NRG4: variants seen among roughly 807,000 people sequenced by gnomAD.
NRG4 encodes the protein pro-neuregulin-4, membrane-bound isoform.
Under a neutral mutation model 15.0 loss-of-function variants are expected in NRG4, and 10 were observed. The ratio of observed to expected loss-of-function variants is 0.67; its 90% CI spans 0.41 to 1.13. NRG4 has a LOEUF of 1.13. Among genes scored for constraint, NRG4 ranks in the 50% most tolerant of loss-of-function variants. The pLI is 0.00. For synonymous variants in NRG4, 41 were observed against 50.1 expected (o/e 0.82, Z 0.77); for missense variants, 139 against 140.2 (o/e 0.99, Z 0.04).
chr15:76,035,974 C>G (rs1289812672), exon 5 of NRG4: 2 of 152,184 alleles, frequency 1.3e-5, no homozygotes, highest in Non-Finnish European at 2.9e-5. Context: ...ATTTGGGTTT[C>G]CCATCTAGGT....
At chr15:75,971,140 A>G in intron 3 of NRG4, 1 of 389,490 alleles carries the variant, frequency 2.6e-6, no homozygotes, top group Non-Finnish European at 5.1e-6. Flanking sequence ...ACCTATTTGT[A>G]AATTCATTTC....
intron 4 of NRG4, among the ~76,000 whole-genome samples, chr15:76,041,529 C>T (rs571150715): frequency 6.6e-6 from 1 of 152,054 alleles, no homozygotes; most frequent in East Asian, 1.9e-4. Flanking sequence ...AAGAGGAGTG[C>T]TATACTTATA....
At chr15:76,014,425 G>A (rs1241064024), upstream of NRG4, among the ~76,000 whole-genome samples, 11 of 152,074 alleles carry the variant, frequency 7.2e-5, no homozygotes, top group Admixed American at 7.2e-4. Context: ...GCCCATATCT[G>A]TGTCCTGAAT....
At chr15:75,995,848 C>T (rs546972120) in intron 3 of NRG4, among the ~76,000 whole-genome samples, 2 of 152,258 alleles carry the variant, frequency 1.3e-5, no homozygotes, top group South Asian at 4.1e-4. Flanking sequence ...AGGCAAACAT[C>T]GGCAGTGCCT....
chr15:76,054,967 T>C (rs561729803), intron 2 of NRG4, among the ~76,000 whole-genome samples: 1 of 152,314 alleles, frequency 6.6e-6, no homozygotes, highest in South Asian at 2.1e-4. Flanking sequence ...CAAAGTTAAA[T>C]GTATTATTTG....
At chr15:75,968,492 G>A (rs1178068538) in intron 3 of NRG4, among the ~76,000 whole-genome samples, 3 of 151,854 alleles carry the variant, frequency 2.0e-5, no homozygotes, top group Admixed American at 1.3e-4. Context: ...GGAGGCTGAG[G>A]GAGGAGATCA....
intron 3 of NRG4, among the ~76,000 whole-genome samples, chr15:75,964,686 G>A (rs2032703290): frequency 6.6e-6 from 1 of 152,140 alleles, no homozygotes; most frequent in Non-Finnish European, 1.5e-5. Flanking sequence ...AGCACTTTGC[G>A]AGGCTGAGGC....
intron 5 of NRG4, among the ~76,000 whole-genome samples, chr15:76,022,065 C>T (rs577012477): frequency 9.2e-5 from 14 of 152,110 alleles, no homozygotes; most frequent in Admixed American, 4.6e-4. Flanking sequence ...TGATAGGAGG[C>T]GGAGCACAGG....
At chr15:76,023,130 CCACACACA>C (rs10572540) in intron 5 of NRG4, among the ~76,000 whole-genome samples, 25,482 of 119,844 alleles carry the variant, frequency 0.21, 2,544 homozygotes, top group Non-Finnish European at 0.26. Flanking sequence ...CACCCATACT[CCACACACA>C]CACACACACA....
downstream of NRG4, chr15:75,938,604 G>A (rs2030613070): frequency 6.6e-6 from 1 of 152,060 alleles, no homozygotes; most frequent in African/African-American, 2.4e-5. Flanking sequence ...AAAAATTCTG[G>A]CAGAGAAAAG....
At chr15:76,044,522 G>C (rs1188425612) in intron 4 of NRG4, among the ~76,000 whole-genome samples, 1 of 150,368 alleles carries the variant, frequency 6.7e-6, no homozygotes, top group African/African-American at 2.5e-5. Context: ...AAACTCTCTA[G>C]GACATTGGAG....
upstream of NRG4, among the ~76,000 whole-genome samples, chr15:76,013,326 C>CA (rs913683936): frequency 9.5e-4 from 124 of 130,514 alleles, no homozygotes; most frequent in Middle Eastern, 7.9e-3. Context: ...GACTCCGTCT[C>CA]AAAAAAAAAA....
In NRG4 at chr15:75,973,696, C is replaced by G. The variant is rs185211867; in HGVS notation, c.105-11722G>C. Among the ~76,000 whole-genome samples, 13 of 152,264 alleles carry G rather than the reference C, an allele frequency of 8.5e-5. No individual in the cohort carries two copies. The South Asian group carries it at 1.5e-3, about 17-fold the overall frequency. ...ATTGATTTGCATATGTTAAACCAGC[C>G]TTGCATCCCAGGGATGAAGCTGACT... On this transcript the variant is annotated intron_variant, in intron 3 of 5. Coordinates refer to ENST00000394907, the MANE Select transcript of NRG4 (RefSeq NM_138573.4).
At chr15:75,989,766 CT>C (rs544171552) in intron 3 of NRG4, among the ~76,000 whole-genome samples, 1 of 151,996 alleles carries the variant, frequency 6.6e-6, no homozygotes, top group Non-Finnish European at 1.5e-5. Flanking sequence ...TACTGATTGA[CT>C]TTTTCATCCT....
intron 5 of NRG4, among the ~76,000 whole-genome samples, chr15:75,951,340 G>A (rs1167667702): frequency 1.3e-5 from 2 of 151,514 alleles, no homozygotes; most frequent in Admixed American, 6.6e-5. Flanking sequence ...GCTAGTTTTT[G>A]TATTTTTAGT....
In NRG4 at chr15:75,943,317, C is replaced by T; in HGVS notation, c.*321G>A. 3.3e-6 allele frequency: 1 copy of T among 298,634 alleles called. No individual in the cohort carries two copies. The highest frequency in any genetic ancestry group is 1.1e-4 in the South Asian group (1 of 9,522). The allele number at this position is 298,634 out of a possible 1,614,324, so 18.5% of individuals were successfully genotyped here. A position where few individuals can be genotyped will look rare whatever the true frequency, so the allele number is the denominator to read the frequency against. ...CCTTTTTCATAAGATCTTCATATAT[C>T]CCTTAGGGTTTCTCTCTAGGTGTGT... On this transcript the variant is annotated 3_prime_UTR_variant, in exon 6 of 6. Transcript: ENST00000394907.
At chr15:76,035,952 C>G (rs1480767865) in exon 5 of NRG4, 5 of 152,162 alleles carry the variant, frequency 3.3e-5, no homozygotes, top group African/African-American at 1.2e-4. Context: ...ACCAAGAAAT[C>G]TCTTGATTAT....
chr15:75,941,930 T>G lies in NRG4; in HGVS notation c.*1708A>C, dbSNP rs2031002985. The G allele has an allele frequency of 1.2e-5, 1 of 84,060 alleles. No individual in the cohort carries two copies. The highest frequency in any genetic ancestry group is 4.8e-4 in the South Asian group (1 of 2,076). 5.2% of individuals were successfully genotyped at this position (84,060 alleles called of 1,614,324 possible). On this transcript the variant is annotated 3_prime_UTR_variant, in exon 6 of 6. Coordinates refer to ENST00000394907, the MANE Select transcript of NRG4 (RefSeq NM_138573.4). Reference sequence around the variant, plus strand: ...TACGTACATTTTGCCACAGTAAATTTTTAAACCACCAAAAAAAAAAAAAAA... The same window carrying G: ...TACGTACATTTTGCCACAGTAAATTGTTAAACCACCAAAAAAAAAAAAAAA...
intron 1 of NRG4, chr15:76,012,073 A>G (rs2034829486): frequency 6.6e-6 from 1 of 152,088 alleles, no homozygotes; most frequent in African/African-American, 2.4e-5. Flanking sequence ...TGACCTAAAC[A>G]GAAAGACTCT....
Sources: allele counts gnomAD v4.1 joint callset (sites outside exome capture counted in the v4.1 genomes callset), GRCh38; gene constraint gnomAD v4.1.1; transcripts MANE v1.5; gene names NCBI Gene and HGNC (gene_info 2026-07-23, HGNC 2026-07-21).